The following APAF1 variants were observed in gnomAD, a reference collection of about 807,000 sequenced individuals.
APAF1 encodes apoptotic peptidase activating factor 1.
APAF1 carries 91 observed loss-of-function variants against 152.4 expected under a neutral mutation model. The ratio of observed to expected loss-of-function variants is 0.60; its 90% confidence interval spans 0.50 to 0.71. The LOEUF (loss-of-function observed/expected upper bound fraction) is 0.71, where lower values mean the gene tolerates loss of function less well. Ranked by LOEUF, APAF1 falls within the 30% of genes least tolerant of loss-of-function variation. The pLI, the probability that APAF1 is intolerant of heterozygous loss-of-function variation, is 0.00. For synonymous variants in APAF1, 484 were observed against 494.1 expected (o/e 0.98, Z 0.27); for missense variants, 1,283 against 1,472.0 (o/e 0.87, Z 2.10).
chr12:98,699,539 G>A lies in APAF1; in HGVS notation c.2436G>A (p.Arg812=), dbSNP rs777352704. ...GTTCGTGGTCTGCTGATGGTGCAAGGATAATGGTGGCAGCAAAAAATAAAA... is the reference window on the plus strand; with the variant it reads ...GTTCGTGGTCTGCTGATGGTGCAAGAATAATGGTGGCAGCAAAAAATAAAA... The part of the protein sequence containing the change: ...KCCSWSADGA[R]IMVAAKNKIF... The change falls in exon 17 of 27, where the codon AGG becomes AGA. Residue 812 remains arginine (R), a synonymous_variant. Transcript: ENST00000551964. 6.2e-6 allele frequency: 10 copies of A among 1,614,040 alleles called. No homozygotes were observed. The African/African-American group carries it at 6.7e-5, about 11-fold the overall frequency.
intron 7 of APAF1, 107 bp downstream of exon 7, chr12:98,662,913 C>T (rs574668665): frequency 9.8e-7 from 1 of 1,024,400 alleles, no homozygotes; most frequent in Admixed American, 2.5e-5. Flanking sequence ...CATCCAAAAA[C>T]TTTTCTGGGA....
At chr12:98,665,488 A>G in intron 7 of APAF1, 65 bp from the exon 8 acceptor site, 1 of 1,083,328 alleles carries the variant, frequency 9.2e-7, no homozygotes. Flanking sequence ...TAAGTAAGTA[A>G]GTCGATTCTT....
chr12:98,683,157 G>T lies in APAF1; in HGVS notation c.2061G>T (p.Met687Ile). Residue 687 changes from methionine to isoleucine, a missense_variant, in exon 15 of 27, where the codon ATG becomes ATT. Coordinates refer to ENST00000551964, the MANE Select transcript of APAF1 (RefSeq NM_181861.2). ...VDKKVKIWNS[M>I]TGELVHTYDE... ...TTTCTCTTTAGATTTGGAATTCTAT[G>T]ACTGGGGAACTAGTACACACCTATG... 6.2e-7 allele frequency: 1 copy of T among 1,613,040 alleles called. No individual in the cohort carries two copies.
intron 21 of APAF1, among the ~76,000 whole-genome samples, chr12:98,714,595 C>T (rs1274573247): frequency 3.9e-5 from 6 of 152,180 alleles, no homozygotes; most frequent in Admixed American, 3.3e-4. Context: ...CTATCCTGCC[C>T]TTGCCTCAGG....
intron 26 of APAF1, among the ~76,000 whole-genome samples, chr12:98,730,021 GATATCCCAATT>G (rs1396889462): frequency 1.2e-4 from 18 of 152,216 alleles, no homozygotes; most frequent in African/African-American, 3.9e-4. Flanking sequence ...ATTTGAGGTG[GATATCCCAATT>G]ATCCTAATTT....
chr12:98,676,909 T>TGCTA (rs2097687193), intron 12 of APAF1, among the ~76,000 whole-genome samples: 1 of 152,206 alleles, frequency 6.6e-6, no homozygotes, highest in African/African-American at 2.4e-5. Flanking sequence ...CCTCCCAAAG[T>TGCTA]GCTAGGATTA....
rs1292515698 is a variant in APAF1, at chr12:98,683,173, C to T, written c.2077C>T (p.His693Tyr). 2 of 1,613,030 alleles carry T rather than the reference C, an allele frequency of 1.2e-6. No individual in the cohort carries two copies. The highest frequency in any genetic ancestry group is 1.7e-6 in the Non-Finnish European group (2 of 1,179,326). The stretch of plus-strand genomic sequence containing the variant: ...GAATTCTATGACTGGGGAACTAGTA[C>T]ACACCTATGATGAGCACTCAGAGCA... Reference protein sequence around the residue: ...IWNSMTGELVHTYDEHSEQVN... With the variant: ...IWNSMTGELVYTYDEHSEQVN... Residue 693 changes from histidine (H) to tyrosine (Y), a missense_variant, in exon 15 of 27, where the codon CAC (histidine) becomes TAC (tyrosine). Transcript: ENST00000551964.
rs772086661 is a variant in APAF1, at chr12:98,708,673, T to C, written c.2810T>C (p.Val937Ala). ...DVVFQENEVM[V>A]LAVDHIRRLQ... ...GTGTTTCAAGAAAATGAAGTGATGG[T>C]CCTTGCAGTTGACCATATAAGACGT... is the stretch of plus-strand genomic sequence containing the variant. The change falls in exon 20 of 27, where the codon GTC (valine) becomes GCC (alanine). Residue 937 changes from valine (V) to alanine (A), a missense_variant. Transcript: ENST00000551964. The C allele has an allele frequency of 6.2e-7, 1 of 1,613,706 alleles. No homozygotes were observed. The highest frequency in any genetic ancestry group is 1.3e-5 in the African/African-American group (1 of 74,932).
At chr12:98,722,702 G>T (rs965491752) in intron 22 of APAF1, among the ~76,000 whole-genome samples, 1 of 152,156 alleles carries the variant, frequency 6.6e-6, no homozygotes, top group African/African-American at 2.4e-5. Context: ...TGCGATGGGG[G>T]ATAGCTGAGA....
chr12:98,715,362 T>C, intron 21 of APAF1, 65 bp from the exon 22 acceptor site: 1 of 1,511,778 alleles, frequency 6.6e-7, no homozygotes, highest in Non-Finnish European at 9.1e-7. Flanking sequence ...TTTAATATCT[T>C]TGGGGTGTAA....
intron 10 of APAF1, 110 bp from the exon 11 acceptor site, chr12:98,670,863 T>A: frequency 1.4e-6 from 1 of 706,642 alleles, no homozygotes; most frequent in Non-Finnish European, 2.6e-6. Flanking sequence ...TTGCATCCTT[T>A]AAATTCTAGA....
intron 16 of APAF1, among the ~76,000 whole-genome samples, chr12:98,694,974 T>C (rs137935495): frequency 6.6e-6 from 1 of 151,370 alleles, no homozygotes; most frequent in South Asian, 2.1e-4. Flanking sequence ...ACTTTTGATG[T>C]CAAAGTCTTT....
intron 15 of APAF1, among the ~76,000 whole-genome samples, chr12:98,686,110 C>G (rs1298984924): frequency 6.6e-6 from 1 of 152,154 alleles, no homozygotes; most frequent in Non-Finnish European, 1.5e-5. Context: ...TTCACTTATT[C>G]CATATTCTCA....
In APAF1 at chr12:98,734,870, T is replaced by G; in HGVS notation, c.*2304T>G. The G allele has an allele frequency of 3.7e-6, 1 of 270,234 alleles. No homozygotes were observed. 16.7% of individuals were successfully genotyped at this position (270,234 alleles called of 1,614,324 possible). On this transcript the variant is annotated 3_prime_UTR_variant, in exon 27 of 27. Transcript: ENST00000551964. The stretch of plus-strand genomic sequence containing the variant: ...TGTAGGCAGAGTATAAAGTATTACC[T>G]TTTGGAATTAAAAGCCACTGACTGT...
chr12:98,670,084 A>G (rs1327748000), intron 10 of APAF1, among the ~76,000 whole-genome samples: 2 of 152,060 alleles, frequency 1.3e-5, no homozygotes, highest in East Asian at 3.9e-4. Flanking sequence ...AGCTGGGAGC[A>G]CGGGTGTGCA....
intron 4 of APAF1, among the ~76,000 whole-genome samples, chr12:98,657,538 C>A (rs1057363455): frequency 2.6e-5 from 4 of 152,158 alleles, no homozygotes; most frequent in Admixed American, 6.5e-5. Flanking sequence ...GTCTAATTTT[C>A]ATAATTAATA....
intron 26 of APAF1, among the ~76,000 whole-genome samples, chr12:98,729,756 T>G (rs1273558809): frequency 6.6e-6 from 1 of 152,190 alleles, no homozygotes; most frequent in Non-Finnish European, 1.5e-5. Flanking sequence ...TTTGAATGAC[T>G]GGTGTTTTGG....
intron 15 of APAF1, among the ~76,000 whole-genome samples, chr12:98,686,349 A>G (rs925856532): frequency 2.0e-5 from 3 of 152,182 alleles, no homozygotes; most frequent in African/African-American, 7.2e-5. Flanking sequence ...TTGCTCCACC[A>G]TTTTTAGGGT....
chr12:98,723,905 T>G, intron 24 of APAF1, 141 bp downstream of exon 24: 1 of 870,212 alleles, frequency 1.1e-6, no homozygotes, highest in Non-Finnish European at 1.9e-6. Context: ...GGATGCCCAT[T>G]GGCATTTAGT....
Sources: allele counts gnomAD v4.1 joint callset (sites outside exome capture counted in the v4.1 genomes callset), GRCh38; gene constraint gnomAD v4.1.1; transcripts MANE v1.5; gene names NCBI Gene and HGNC (gene_info 2026-07-23, HGNC 2026-07-21).